ANKS1B: variants seen among roughly 807,000 people sequenced by gnomAD.
ANKS1B encodes the protein ankyrin repeat and sterile alpha motif domain containing 1B.
In ANKS1B, 36 loss-of-function variants were observed where a neutral mutation model predicts 148.3. The observed-to-expected ratio is 0.24, with a 90% CI of 0.19 to 0.32. The LOEUF (loss-of-function observed/expected upper bound fraction) is 0.32, where lower values mean the gene tolerates loss of function less well. ANKS1B is among the 10% of genes least tolerant of loss of function. The probability of loss-of-function intolerance (pLI) is 1.00; values close to 1 mark genes in which losing one functional copy is unlikely to be tolerated. For missense variants in ANKS1B, 1,157 were observed against 1,542.6 expected, an observed-to-expected ratio of 0.75 and a Z score of 4.19; for synonymous variants, 542 against 560.8, an observed-to-expected ratio of 0.97 and a Z score of 0.47.
At chr12:99,268,767 T>C (rs953691888) in intron 12 of ANKS1B, among the ~76,000 whole-genome samples, 2 of 152,150 alleles carry the variant, frequency 1.3e-5, no homozygotes, top group Non-Finnish European at 2.9e-5. Context: ...GTAGAAAAAT[T>C]TGGAAGCACA....
intron 25 of ANKS1B, among the ~76,000 whole-genome samples, chr12:98,755,512 A>C (rs1238124878): frequency 9.2e-5 from 14 of 152,284 alleles, no homozygotes; most frequent in African/African-American, 1.9e-4. Flanking sequence ...TGCTTGCTGA[A>C]TGAATGAATG....
intron 12 of ANKS1B, among the ~76,000 whole-genome samples, chr12:99,252,082 G>A (rs924784528): frequency 3.9e-5 from 6 of 152,216 alleles, no homozygotes; most frequent in African/African-American, 9.6e-5. Context: ...GATGCTATAA[G>A]GCAATTAGGA....
chr12:99,436,980 T>C (rs1331451496), intron 11 of ANKS1B, among the ~76,000 whole-genome samples: 1 of 152,054 alleles, frequency 6.6e-6, no homozygotes, highest in Admixed American at 6.6e-5. Flanking sequence ...TTGAATTCCA[T>C]TTAGGATGAG....
intron 14 of ANKS1B, among the ~76,000 whole-genome samples, chr12:99,232,060 G>C (rs1251157421): frequency 6.6e-6 from 1 of 152,088 alleles, no homozygotes; most frequent in East Asian, 1.9e-4. Flanking sequence ...ATCCCAGGAA[G>C]AAGAGAAGCA....
chr12:99,663,568 T>G (rs892969964), intron 8 of ANKS1B, among the ~76,000 whole-genome samples: 11 of 152,198 alleles, frequency 7.2e-5, no homozygotes, highest in Admixed American at 7.2e-4. Flanking sequence ...CTGTGAATCC[T>G]GTACTGCATT....
At chr12:98,994,441 A>T (rs770648893) in intron 17 of ANKS1B, among the ~76,000 whole-genome samples, 5 of 151,936 alleles carry the variant, frequency 3.3e-5, no homozygotes, top group Non-Finnish European at 7.4e-5. Context: ...ACATGGTGAA[A>T]CCCCGTCTCT....
At chr12:99,206,987 G>A (rs7132988) in intron 14 of ANKS1B, among the ~76,000 whole-genome samples, 127,978 of 152,220 alleles carry the variant, frequency 0.84, 54,249 homozygotes, top group East Asian at 1. Flanking sequence ...TTTGTCTAGG[G>A]TGAATGGACT....
chr12:99,760,083 T>A (rs1028387904), intron 8 of ANKS1B, among the ~76,000 whole-genome samples: 1 of 151,910 alleles, frequency 6.6e-6, no homozygotes, highest in Non-Finnish European at 1.5e-5. Flanking sequence ...CTGCCCTTAA[T>A]AGAATGCTCA....
At chr12:98,899,964 A>G (rs2099769901) in intron 17 of ANKS1B, among the ~76,000 whole-genome samples, 2 of 152,224 alleles carry the variant, frequency 1.3e-5, no homozygotes, top group African/African-American at 4.8e-5. Flanking sequence ...AAGGGATTTA[A>G]TGTTTTAGTA....
intron 25 of ANKS1B, among the ~76,000 whole-genome samples, chr12:98,756,542 C>T (rs1401671778): frequency 2.9e-5 from 4 of 137,630 alleles, no homozygotes; most frequent in African/African-American, 1.1e-4. Context: ...GAAACCCCAT[C>T]CCTACTAAAA....
At position 99,760,885 on chromosome 12, in the gene ANKS1B, C is replaced by CA. The variant is rs973786772; in HGVS notation, c.1128+12036dup. Among the ~76,000 whole-genome samples the CA allele has an allele frequency of 7.3e-5, 11 of 149,810 alleles. 1 individual carries two copies. The highest frequency in any genetic ancestry group is 6.3e-4 in the South Asian group (3 of 4,748). On this transcript the variant is annotated intron_variant, in intron 8 of 26. Transcript: ENST00000683438. ...CATTAAAACCAATCCCACCGAAATACAAAAAAAACCCTCAGAGACTATGAT... is the reference window on the plus strand; with the variant it reads ...CATTAAAACCAATCCCACCGAAATACAAAAAAAAACCCTCAGAGACTATGAT...
At chr12:99,349,930 G>A (rs1470170909) in intron 12 of ANKS1B, among the ~76,000 whole-genome samples, 1 of 151,904 alleles carries the variant, frequency 6.6e-6, no homozygotes, top group African/African-American at 2.4e-5. Flanking sequence ...AATTTAAAAT[G>A]TTTAAAATGG....
At chr12:99,320,641 C>T (rs2085075356) in intron 12 of ANKS1B, among the ~76,000 whole-genome samples, 1 of 152,184 alleles carries the variant, frequency 6.6e-6, no homozygotes, top group African/African-American at 2.4e-5. Context: ...GTGTGAACAT[C>T]TTCCTTTAGC....
intron 15 of ANKS1B, among the ~76,000 whole-genome samples, chr12:99,103,719 A>T (rs2058522958): frequency 6.6e-6 from 1 of 152,152 alleles, no homozygotes; most frequent in African/African-American, 2.4e-5. Context: ...CCTTAAGGGC[A>T]AGTAAATGTT....
intron 9 of ANKS1B, among the ~76,000 whole-genome samples, chr12:99,588,221 T>A (rs1364132544): frequency 6.6e-6 from 1 of 151,932 alleles, no homozygotes; most frequent in Non-Finnish European, 1.5e-5. Flanking sequence ...AGCTAAACAC[T>A]CTTAGAATTA....
intron 14 of ANKS1B, among the ~76,000 whole-genome samples, chr12:99,184,788 G>T (rs1019491575): frequency 2.0e-5 from 3 of 152,192 alleles, no homozygotes; most frequent in Admixed American, 1.3e-4. Flanking sequence ...TTACTAACTA[G>T]GTCATACATG....
At chr12:99,836,855 C>G (rs1037097149) in intron 1 of ANKS1B, among the ~76,000 whole-genome samples, 1 of 152,140 alleles carries the variant, frequency 6.6e-6, no homozygotes, top group African/African-American at 2.4e-5. Context: ...ATTTTGGTGG[C>G]AATTGTTTTT....
At chr12:99,071,215 A>G (rs552295890) in intron 16 of ANKS1B, among the ~76,000 whole-genome samples, 1 of 152,342 alleles carries the variant, frequency 6.6e-6, no homozygotes, top group Admixed American at 6.5e-5. Flanking sequence ...GTGTAATTTC[A>G]TCTTATTTTT....
At chr12:99,897,321 G>A (rs555694833) in intron 1 of ANKS1B, among the ~76,000 whole-genome samples, 14 of 151,188 alleles carry the variant, frequency 9.3e-5, no homozygotes, top group African/African-American at 3.1e-4. Flanking sequence ...ACTGAAAATT[G>A]TTACTTTCAT....
Sources: gnomAD v4.1 joint callset for allele counts (sites outside exome capture counted in the v4.1 genomes callset) on GRCh38, gnomAD v4.1.1 for gene constraint, MANE v1.5 for transcripts, NCBI Gene and HGNC (gene_info 2026-07-23, HGNC 2026-07-21) for gene names.